The following NLGN1 variants were observed in gnomAD, a reference collection of about 807,000 sequenced individuals.
NLGN1 encodes the protein neuroligin 1.
A neutral mutation model predicts 65.5 loss-of-function variants in NLGN1; 12 were observed. The ratio of observed to expected loss-of-function variants is 0.18; its 90% CI spans 0.12 to 0.30. NLGN1 has a LOEUF of 0.30. Ranked by LOEUF, NLGN1 falls within the 10% of genes least tolerant of loss-of-function variation. The probability of loss-of-function intolerance (pLI) is 1.00; values close to 1 mark genes in which losing one functional copy is unlikely to be tolerated. For synonymous variants in NLGN1, 350 were observed against 359.5 expected (o/e 0.97, Z 0.30); for missense variants, 750 against 1,007.1 (o/e 0.74, Z 3.46).
rs1306695232 is a variant in NLGN1, at chr3:174,280,325, TAGG to T, written c.1650-153_1650-151del. Among the ~76,000 whole-genome samples, 1 of 151,992 alleles carries T rather than the reference TAGG, an allele frequency of 6.6e-6. No individual in the cohort carries two copies. ...ATCACCCATCTAACAATATGCCTGC[TAGG>T]AGATTTATATTTCTAAATTGACCCA... On this transcript the variant is annotated intron_variant, in intron 6 of 6. Transcript: ENST00000457714. This position sits in a 1 kb window ranked among gnomAD's most constrained non-coding sequence, Gnocchi z 4.9.
intron 2 of NLGN1, among the ~76,000 whole-genome samples, chr3:173,484,905 T>C (rs780347131): frequency 2.0e-5 from 3 of 152,098 alleles, no homozygotes; most frequent in Non-Finnish European, 4.4e-5. Flanking sequence ...GTTTTTCTAC[T>C]GAACTAGATG....
At chr3:173,838,540 G>T (rs2150655622) in intron 4 of NLGN1, among the ~76,000 whole-genome samples, 1 of 152,110 alleles carries the variant, frequency 6.6e-6, no homozygotes, top group Middle Eastern at 3.4e-3. Context: ...CATTCTCCTA[G>T]AACATACGCT....
intron 2 of NLGN1, among the ~76,000 whole-genome samples, chr3:173,509,325 G>A (rs542862517): frequency 1.8e-4 from 28 of 152,032 alleles, no homozygotes; most frequent in Admixed American, 8.5e-4. Context: ...CCCATTTGAC[G>A]CTTTTTTCCA....
intron 1 of NLGN1, among the ~76,000 whole-genome samples, chr3:173,424,103 A>G (rs1347958839): frequency 6.6e-6 from 1 of 152,180 alleles, no homozygotes; most frequent in African/African-American, 2.4e-5. Context: ...CTCTGAAGCA[A>G]TTGCCTCAGC....
At chr3:173,515,255 T>C (rs545173182) in intron 2 of NLGN1, among the ~76,000 whole-genome samples, 5 of 152,294 alleles carry the variant, frequency 3.3e-5, no homozygotes, top group African/African-American at 9.6e-5. Flanking sequence ...TTATTAGTGA[T>C]ATTGAGCATC....
At chr3:174,239,412 G>A (rs543967455) in intron 4 of NLGN1, among the ~76,000 whole-genome samples, 14 of 152,194 alleles carry the variant, frequency 9.2e-5, no homozygotes, top group South Asian at 4.2e-4. Flanking sequence ...CATCTAGCAC[G>A]CTTGTACTGT....
intron 4 of NLGN1, among the ~76,000 whole-genome samples, chr3:174,143,437 C>A (rs1278270856): frequency 6.6e-6 from 1 of 152,142 alleles, no homozygotes; most frequent in Non-Finnish European, 1.5e-5. Context: ...ATCACCTCGA[C>A]AAAGGGCATA....
At chr3:173,896,918 C>T (rs1216974203) in intron 4 of NLGN1, among the ~76,000 whole-genome samples, 2 of 152,280 alleles carry the variant, frequency 1.3e-5, no homozygotes, top group African/African-American at 4.8e-5. Flanking sequence ...TTGAACTTGA[C>T]TGTCAATTAG....
At chr3:173,850,581 G>A (rs1726722343) in intron 4 of NLGN1, among the ~76,000 whole-genome samples, 1 of 152,114 alleles carries the variant, frequency 6.6e-6, no homozygotes, top group African/African-American at 2.4e-5. Flanking sequence ...TTCATTCCAA[G>A]TGATTAGTGA....
At chr3:173,899,779 C>T (rs1224584812) in intron 4 of NLGN1, among the ~76,000 whole-genome samples, 1 of 152,058 alleles carries the variant, frequency 6.6e-6, no homozygotes, top group Non-Finnish European at 1.5e-5. Flanking sequence ...TTGCTATCTG[C>T]TGCTTTACAG....
chr3:173,554,691 A>T (rs969313735), intron 2 of NLGN1, among the ~76,000 whole-genome samples: 3 of 152,162 alleles, frequency 2.0e-5, no homozygotes, highest in Non-Finnish European at 4.4e-5. Context: ...TTAGCTTATT[A>T]TCAGTTTTTG....
At chr3:174,191,362 C>T (rs150515679) in intron 4 of NLGN1, among the ~76,000 whole-genome samples, 17 of 152,238 alleles carry the variant, frequency 1.1e-4, no homozygotes, top group African/African-American at 3.6e-4. Context: ...AATCAAAGTA[C>T]AGTAGATAAT....
In NLGN1 at chr3:174,009,669, G is replaced by A. The variant is rs533426878; in HGVS notation, c.646+201837G>A. On this transcript the variant is annotated intron_variant, in intron 4 of 6. Coordinates refer to ENST00000457714, the Ensembl canonical transcript of NLGN1. Reference sequence around the variant, plus strand: ...ACCTTATTATCTAATTGGCTGATGAGTGGCGGTAGAATTTCTAAGTATCTT... The same window carrying A: ...ACCTTATTATCTAATTGGCTGATGAATGGCGGTAGAATTTCTAAGTATCTT... 3.3e-5 allele frequency among the ~76,000 whole-genome samples: 5 copies of A among 152,260 alleles called. No homozygotes were observed. In the South Asian group the frequency reaches 6.2e-4, roughly 19 times the overall value.
At chr3:174,110,225 G>C (rs1051111810) in intron 4 of NLGN1, among the ~76,000 whole-genome samples, 1 of 151,948 alleles carries the variant, frequency 6.6e-6, no homozygotes, top group Non-Finnish European at 1.5e-5. Flanking sequence ...ATTCCATTGA[G>C]TACTGTGCTA....
intron 4 of NLGN1, among the ~76,000 whole-genome samples, chr3:173,902,451 C>T (rs919185573): frequency 6.6e-6 from 1 of 152,116 alleles, no homozygotes; most frequent in Non-Finnish European, 1.5e-5. Flanking sequence ...CCCAGAGTTA[C>T]AGGTCAACCT....
chr3:174,215,418 C>CTAT (rs1361213602), intron 4 of NLGN1, among the ~76,000 whole-genome samples: 1 of 152,134 alleles, frequency 6.6e-6, no homozygotes, highest in Admixed American at 6.5e-5. Context: ...GCAGAAATAT[C>CTAT]TATTTAAAAT....
intron 4 of NLGN1, among the ~76,000 whole-genome samples, chr3:173,907,775 G>A: frequency 6.6e-6 from 1 of 151,304 alleles, no homozygotes. Context: ...AGTAGAGACG[G>A]GGTTTCACCA....
At chr3:174,263,587 G>A (rs567075928) in intron 4 of NLGN1, among the ~76,000 whole-genome samples, 2 of 152,176 alleles carry the variant, frequency 1.3e-5, no homozygotes, top group East Asian at 3.9e-4. Flanking sequence ...CTCTGCACGT[G>A]AGATGGGATT....
intron 4 of NLGN1, among the ~76,000 whole-genome samples, chr3:173,895,286 C>T (rs2152143146): frequency 6.6e-6 from 1 of 152,100 alleles, no homozygotes; most frequent in East Asian, 1.9e-4. Flanking sequence ...TTTTTCTATG[C>T]AAGGTAATAT....
Sources: gnomAD v4.1 joint callset for allele counts (sites outside exome capture counted in the v4.1 genomes callset) on GRCh38, gnomAD v4.1.1 for gene constraint, Gnocchi (gnomAD v3.1) non-coding constraint, MANE v1.5 for transcripts, NCBI Gene and HGNC (gene_info 2026-07-23, HGNC 2026-07-21) for gene names.